Variants in SRGAP1 observed in about 807,000 individuals in gnomAD.
SRGAP1 encodes the protein SLIT-ROBO Rho GTPase-activating protein 1.
SRGAP1 carries 43 observed loss-of-function variants against 121.9 expected under a neutral mutation model. The ratio of observed to expected loss-of-function variants is 0.35; its 90% CI spans 0.28 to 0.46. SRGAP1 has a LOEUF of 0.46. SRGAP1 is among the 20% of genes least tolerant of loss of function. SRGAP1 has a pLI of 1.00. For synonymous variants in SRGAP1, 447 were observed against 485.4 expected (o/e 0.92, Z 1.04); for missense variants, 1,102 against 1,350.9 (o/e 0.82, Z 2.89).
At chr12:63,999,455 A>T (rs2033811533) in intron 3 of SRGAP1, among the ~76,000 whole-genome samples, 1 of 152,106 alleles carries the variant, frequency 6.6e-6, no homozygotes, top group Non-Finnish European at 1.5e-5. Flanking sequence ...AGAGATGAGG[A>T]TGCTCTTCCT....
At chr12:63,935,178 T>G (rs1245343846) in intron 1 of SRGAP1, among the ~76,000 whole-genome samples, 1 of 152,216 alleles carries the variant, frequency 6.6e-6, no homozygotes, top group Non-Finnish European at 1.5e-5. Flanking sequence ...GTAAATGTTT[T>G]TTTAAATAAA....
rs139299915 is a variant in SRGAP1, at chr12:64,009,971, C to T, written c.427-6979C>T. Among the ~76,000 whole-genome samples the T allele has an allele frequency of 2.8e-3, 429 of 152,254 alleles. 1 individual carries two copies. Among genetic ancestry groups the T allele is most frequent in the Non-Finnish European group, 5.1e-3 (344 of 68,032 alleles). ...TTTCTCCATTAGGCATTTTAGAAGA[C>T]GCTGTTGCCTGTGTCTTCAGAGTTT... On this transcript the variant is annotated intron_variant, in intron 3 of 21. Transcript: ENST00000355086.
Position 64,159,938 on chromosome 12 carries a change from T to G in SRGAP1, c.*17266T>G, listed in dbSNP as rs1001538190. ...TCCTGATGCATACAATTACTTTTCCTTTCTTTTTTCTTTTCCCTGGAGTTC... is the reference window on the plus strand; with the variant it reads ...TCCTGATGCATACAATTACTTTTCCGTTCTTTTTTCTTTTCCCTGGAGTTC... On this transcript the variant is annotated 3_prime_UTR_variant, in exon 22 of 22. Coordinates refer to ENST00000355086, the MANE Select transcript of SRGAP1 (RefSeq NM_020762.4). 2.6e-5 allele frequency: 4 copies of G among 152,242 alleles called. No individual in the cohort carries two copies. Among genetic ancestry groups the G allele is most frequent in the Non-Finnish European group, 5.9e-5 (4 of 68,048 alleles). 9.4% of individuals were successfully genotyped at this position (152,242 alleles called of 1,614,324 possible). A position where few individuals can be genotyped will look rare whatever the true frequency, so the allele number is the denominator to read the frequency against.
chr12:64,128,244 G>T (rs773755074), intron 21 of SRGAP1, 44 bp downstream of exon 21: 6 of 1,514,078 alleles, frequency 4.0e-6, no homozygotes, highest in Admixed American at 1.8e-5. Flanking sequence ...GTACCTAAGT[G>T]TGATGTAGGA....
At chr12:64,128,790 A>G (rs771283652) in intron 21 of SRGAP1, among the ~76,000 whole-genome samples, 10 of 152,230 alleles carry the variant, frequency 6.6e-5, no homozygotes, top group South Asian at 4.1e-4. Flanking sequence ...TCTGGATCCT[A>G]TGTACCTCCT....
chr12:64,030,471 A>G (rs140261888), intron 4 of SRGAP1, among the ~76,000 whole-genome samples: 1 of 152,354 alleles, frequency 6.6e-6, no homozygotes, highest in East Asian at 1.9e-4. Context: ...AAGGCATAAA[A>G]CAATTTATCT....
intron 11 of SRGAP1, among the ~76,000 whole-genome samples, chr12:64,088,159 C>T (rs752763588): frequency 1.1e-4 from 16 of 151,984 alleles, no homozygotes; most frequent in Admixed American, 2.6e-4. Context: ...ATAAGGAAGC[C>T]CCTCGTACTT....
At position 64,147,925 on chromosome 12, in the gene SRGAP1, T is replaced by G; in HGVS notation, c.*5253T>G. On this transcript the variant is annotated 3_prime_UTR_variant, in exon 22 of 22. Coordinates refer to ENST00000355086, the MANE Select transcript of SRGAP1 (RefSeq NM_020762.4). ...CACTACTTTCTCCTTGACAGCTAGC[T>G]TGCATTAAATAATGTGAAACTTTTA... 5.6e-6 allele frequency: 2 copies of G among 356,318 alleles called. No homozygotes were observed. Among genetic ancestry groups the G allele is most frequent in the Non-Finnish European group, 1.0e-5 (2 of 200,502 alleles). The allele number at this position is 356,318 out of a possible 1,614,324, so 22.1% of individuals were successfully genotyped here.
At chr12:64,018,892 AC>A (rs1472181918) in intron 4 of SRGAP1, among the ~76,000 whole-genome samples, 1 of 152,176 alleles carries the variant, frequency 6.6e-6, no homozygotes. Context: ...ACCTTTGTAT[AC>A]CTGAGACTTC....
intron 1 of SRGAP1, among the ~76,000 whole-genome samples, chr12:63,976,153 ATT>A (rs2033088558): frequency 6.6e-6 from 1 of 152,182 alleles, no homozygotes; most frequent in African/African-American, 2.4e-5. Context: ...AAACACAGGT[ATT>A]TTTAGTAAGG....
In SRGAP1 at chr12:63,913,520, CAT is replaced by C. The variant is rs573025656; in HGVS notation, c.67+68642_67+68643del. On this transcript the variant is annotated intron_variant, in intron 1 of 21. Coordinates refer to ENST00000355086, the MANE Select transcript of SRGAP1 (RefSeq NM_020762.4). ...ACACATATATGTGTATATATATATA[CAT>C]ATATGTGTGTATTATATATATACAC... Among the ~76,000 whole-genome samples, 694 of 138,160 alleles carry C rather than the reference CAT, an allele frequency of 5.0e-3. 3 individuals carry two copies. Among genetic ancestry groups the C allele is most frequent in the African/African-American group, 0.017 (659 of 38,004 alleles). The allele number at this position is 138,160 out of a possible 152,430, so 90.6% of individuals were successfully genotyped here.
intron 10 of SRGAP1, among the ~76,000 whole-genome samples, chr12:64,085,506 A>G (rs1405234599): frequency 6.6e-6 from 1 of 152,024 alleles, no homozygotes; most frequent in African/African-American, 2.4e-5. Flanking sequence ...CACAACCTAA[A>G]TGGTGGTGAC....
intron 10 of SRGAP1, among the ~76,000 whole-genome samples, chr12:64,086,598 T>G (rs1408697068): frequency 1.3e-5 from 2 of 151,402 alleles, no homozygotes; most frequent in Non-Finnish European, 2.9e-5. Context: ...AACCCATCCT[T>G]CTCGCTAACA....
intron 8 of SRGAP1, among the ~76,000 whole-genome samples, chr12:64,074,189 A>G (rs1338752691): frequency 6.6e-6 from 1 of 151,882 alleles, no homozygotes; most frequent in African/African-American, 2.4e-5. Flanking sequence ...GTTCATTCCC[A>G]CTCTTACTTC....
chr12:64,101,237 A>G (rs777218762), intron 15 of SRGAP1, among the ~76,000 whole-genome samples: 3 of 151,456 alleles, frequency 2.0e-5, no homozygotes, highest in Non-Finnish European at 4.4e-5. Flanking sequence ...CATCTTTTCT[A>G]AGAGTTTGCA....
intron 1 of SRGAP1, among the ~76,000 whole-genome samples, chr12:63,855,171 T>C (rs73313492): frequency 6.6e-6 from 1 of 152,212 alleles, no homozygotes; most frequent in Non-Finnish European, 1.5e-5. Flanking sequence ...TGCCATTACC[T>C]AGATAAATGA....
intron 1 of SRGAP1, among the ~76,000 whole-genome samples, chr12:63,919,527 T>TATATATATAC (rs1238483459): frequency 2.7e-5 from 4 of 146,430 alleles, no homozygotes; most frequent in African/African-American, 1.1e-4. Flanking sequence ...TATATACACA[T>TATATATATAC]ACACACACAC....
intron 6 of SRGAP1, 176 bp downstream of exon 6, chr12:64,043,751 T>C: frequency 2.1e-6 from 1 of 477,718 alleles, no homozygotes; most frequent in Non-Finnish European, 3.6e-6. Context: ...ATCTGTAAGA[T>C]GCATGTGAAA....
chr12:63,900,997 T>A (rs2029900427), intron 1 of SRGAP1, among the ~76,000 whole-genome samples: 1 of 152,090 alleles, frequency 6.6e-6, no homozygotes, highest in Non-Finnish European at 1.5e-5. Flanking sequence ...CACCTATTTT[T>A]TTTTTTTTTA....
Sources: allele counts gnomAD v4.1 joint callset (sites outside exome capture counted in the v4.1 genomes callset), GRCh38; gene constraint gnomAD v4.1.1; transcripts MANE v1.5; gene names NCBI Gene and HGNC (gene_info 2026-07-23, HGNC 2026-07-21).